XDH: variants seen among roughly 807,000 people sequenced by gnomAD.
The protein encoded by XDH is xanthine dehydrogenase.
A neutral mutation model predicts 156.1 loss-of-function variants in XDH; 138 were observed. The ratio of observed to expected loss-of-function variants is 0.88; its 90% CI spans 0.77 to 1.02. The LOEUF (loss-of-function observed/expected upper bound fraction) is 1.02, where lower values mean the gene tolerates loss of function less well. Ranked by LOEUF, XDH falls within the 50% of genes least tolerant of loss-of-function variation. The pLI, the probability that XDH is intolerant of heterozygous loss-of-function variation, is 0.00. For missense variants in XDH, 1,849 were observed against 1,684.9 expected (o/e 1.10, Z -1.71); for synonymous variants, 669 against 625.7 (o/e 1.07, Z -1.03).
chr2:31,348,202 A>T (rs567016966), intron 28 of XDH, 66 bp downstream of exon 28: 140 of 1,528,176 alleles, frequency 9.2e-5, no homozygotes, highest in Non-Finnish European at 2.1e-5. Context: ...GATAGGTCCC[A>T]CTGCTCAATT....
chr2:31,373,959 G>A lies in XDH; in HGVS notation c.1603-3C>T, dbSNP rs754907199. On this transcript the variant is annotated splice_region_variant and splice_polypyrimidine_tract_variant and intron_variant, in intron 15 of 35. Coordinates refer to ENST00000379416, the MANE Select transcript of XDH (RefSeq NM_000379.4). ...GTGGGGTCCAGTTTACCACACTTCTGTGGAGACAAGAAAACAGAGGTGACC... is the reference window on the plus strand; with the variant it reads ...GTGGGGTCCAGTTTACCACACTTCTATGGAGACAAGAAAACAGAGGTGACC... 6.2e-7 allele frequency: 1 copy of A among 1,613,042 alleles called. No individual in the cohort carries two copies. The highest frequency in any genetic ancestry group is 2.2e-5 in the East Asian group (1 of 44,854).
rs550042471 is a variant in XDH at position 31,344,696 on chromosome 2, G to C, written c.3392C>G (p.Thr1131Ser). 1 of 1,614,040 alleles carries C rather than the reference G, an allele frequency of 6.2e-7. No individual in the cohort carries two copies. The highest frequency in any genetic ancestry group is 1.3e-5 in the African/African-American group (1 of 74,930). The change falls in exon 31 of 36, where the codon ACT (threonine) becomes AGT (serine). Residue 1131 changes from threonine (T) to serine (S), a missense_variant. Thr to Ser is a moderately conservative substitution (Grantham distance 58). Coordinates refer to ENST00000379416, the MANE Select transcript of XDH (RefSeq NM_000379.4). The stretch of plus-strand genomic sequence containing the variant: ...ACACCATACTTACCTATAAAACCCA[G>C]TGGCAGACAAGCTCACTGTGTCCAT... ...AYMDTVSLSA[T>S]GFYRTPNLGY...
chr2:31,393,973 T>C (rs1336398679), intron 6 of XDH, among the ~76,000 whole-genome samples: 1 of 152,112 alleles, frequency 6.6e-6, no homozygotes, highest in East Asian at 1.9e-4. Flanking sequence ...TCATTCATTT[T>C]ACTTATACAC....
chr2:31,388,685 A>G (rs1686680414), intron 6 of XDH, among the ~76,000 whole-genome samples: 1 of 152,180 alleles, frequency 6.6e-6, no homozygotes, highest in Non-Finnish European at 1.5e-5. Context: ...CTTGACTTCC[A>G]GATCAGCAAG....
chr2:31,364,295 C>A, intron 23 of XDH, 51 bp from the exon 24 acceptor site: 1 of 1,570,880 alleles, frequency 6.4e-7, no homozygotes, highest in East Asian at 2.2e-5. Context: ...GTTTCCCCCA[C>A]CTCTCTGTCT....
chr2:31,396,466 T>C (rs1047678553), intron 6 of XDH, among the ~76,000 whole-genome samples: 5 of 152,206 alleles, frequency 3.3e-5, no homozygotes, highest in Non-Finnish European at 1.5e-5. Flanking sequence ...TAATTTATAG[T>C]TCCCATTTAT....
At chr2:31,374,994 C>CCTTT (rs71405566) in intron 15 of XDH, among the ~76,000 whole-genome samples, 1,907 of 134,096 alleles carry the variant, frequency 0.014, 40 homozygotes, top group Non-Finnish European at 0.02. Flanking sequence ...TTCTTTTTTT[C>CCTTT]CTTTCTTTCT....
rs904500397 is a variant in XDH at position 31,355,106 on chromosome 2, T to C, written c.2632-4883A>G. On this transcript the variant is annotated intron_variant, in intron 24 of 35. Transcript: ENST00000379416. ...ACAGAGGATTTCTCATCAGAAGCCA[T>C]AGAGACCAGAACGAAGTGGCAGTTT... is the stretch of plus-strand genomic sequence containing the variant. Among the ~76,000 whole-genome samples the C allele has an allele frequency of 1.2e-4, 19 of 152,240 alleles. 1 individual carries two copies. In the East Asian group the frequency reaches 1.7e-3, roughly 14 times the overall value.
intron 12 of XDH, 52 bp from the exon 13 acceptor site, chr2:31,380,028 C>T: frequency 6.4e-7 from 1 of 1,560,106 alleles, no homozygotes; most frequent in South Asian, 1.1e-5. Context: ...GGCTGGGAAC[C>T]CCCCATGGGG....
At chr2:31,356,295 A>G (rs1473414770) in intron 24 of XDH, among the ~76,000 whole-genome samples, 1 of 152,224 alleles carries the variant, frequency 6.6e-6, no homozygotes, top group East Asian at 1.9e-4. Context: ...CACATTATAC[A>G]TGTGGTAGGA....
intron 24 of XDH, among the ~76,000 whole-genome samples, chr2:31,356,418 TC>T (rs1477705352): frequency 6.6e-6 from 1 of 152,194 alleles, no homozygotes; most frequent in East Asian, 1.9e-4. Context: ...AAGTAGCTTA[TC>T]CTGAACCATT....
chr2:31,403,761 G>T (rs1448701460), intron 2 of XDH, among the ~76,000 whole-genome samples: 3 of 151,874 alleles, frequency 2.0e-5, no homozygotes, highest in African/African-American at 4.8e-5. Flanking sequence ...ACATATACTT[G>T]CAGAAAGACC....
At chr2:31,385,955 C>T (rs1213217653) in intron 9 of XDH, among the ~76,000 whole-genome samples, 1 of 152,166 alleles carries the variant, frequency 6.6e-6, no homozygotes, top group Non-Finnish European at 1.5e-5. Context: ...TTCCTCCTCC[C>T]TTAGACTAGA....
rs1687184542 is a variant in XDH, at chr2:31,406,069, A to G, written c.43-105T>C. 2.3e-6 allele frequency: 3 copies of G among 1,297,776 alleles called. No individual in the cohort carries two copies. In the South Asian group the frequency reaches 3.7e-5, roughly 16 times the overall value. The allele number at this position is 1,297,776 out of a possible 1,614,324, so 80.4% of individuals were successfully genotyped here. A position where few individuals can be genotyped will look rare whatever the true frequency, so the allele number is the denominator to read the frequency against. On this transcript the variant is annotated intron_variant, in intron 1 of 35. Transcript: ENST00000379416. ...TCACTCAATAATTTGTAGAGTTAGT[A>G]GGAAGTGTGATATAGTTTGCACTCT...
intron 15 of XDH, 121 bp from the exon 16 acceptor site, chr2:31,374,077 C>G: frequency 9.9e-7 from 1 of 1,013,456 alleles, no homozygotes; most frequent in Non-Finnish European, 1.5e-6. Flanking sequence ...CTTCATACGC[C>G]TTTGAGTGCT....
intron 9 of XDH, among the ~76,000 whole-genome samples, chr2:31,386,140 T>A (rs796304075): frequency 1.7e-4 from 26 of 152,122 alleles, no homozygotes; most frequent in African/African-American, 5.8e-4. Flanking sequence ...TATCCCCATA[T>A]AAAAAACAGA....
In XDH at chr2:31,347,499, G is replaced by A. The variant is rs551212328; in HGVS notation, c.3276+23C>T. Reference sequence around the variant, plus strand: ...CAGCTCTGGGCTGGCCCTCTGCTCTGCGGGATCCCATGGGCTCCTTACATA... The same window carrying A: ...CAGCTCTGGGCTGGCCCTCTGCTCTACGGGATCCCATGGGCTCCTTACATA... On this transcript the variant is annotated intron_variant, in intron 29 of 35. Transcript: ENST00000379416. 16 of 1,613,056 alleles carry A rather than the reference G, an allele frequency of 9.9e-6. No homozygotes were observed. The East Asian group carries it at 2.7e-4, about 27-fold the overall frequency.
intron 24 of XDH, among the ~76,000 whole-genome samples, chr2:31,359,973 T>C: frequency 6.6e-6 from 1 of 152,180 alleles, no homozygotes; most frequent in East Asian, 1.9e-4. Flanking sequence ...GTGGAAAATA[T>C]GCTTGAGCAT....
chr2:31,349,896 C>A (rs1685415083), intron 25 of XDH, 65 bp from the exon 26 acceptor site: 2 of 1,612,142 alleles, frequency 1.2e-6, no homozygotes, highest in Non-Finnish European at 1.7e-6. Flanking sequence ...AGGGCACAAC[C>A]TAAAGTTAAG....
Sources: gnomAD v4.1 joint callset for allele counts (sites outside exome capture counted in the v4.1 genomes callset) on GRCh38, gnomAD v4.1.1 for gene constraint, MANE v1.5 for transcripts, NCBI Gene and HGNC (gene_info 2026-07-23, HGNC 2026-07-21) for gene names.